Variants in TENT4B observed in about 807,000 individuals in gnomAD.
TENT4B encodes the protein PAP associated domain containing 5.
In TENT4B, 10 loss-of-function variants were observed where a neutral mutation model predicts 75.0. The observed-to-expected ratio is 0.13, with a 90% CI of 0.08 to 0.23. The LOEUF is 0.23. TENT4B is among the 10% of genes least tolerant of loss of function. TENT4B has a pLI of 1.00. For synonymous variants in TENT4B, 350 were observed against 357.7 expected, an observed-to-expected ratio of 0.98 and a Z score of 0.24; for missense variants, 579 against 893.8, an observed-to-expected ratio of 0.65 and a Z score of 4.49.
At chr16:50,212,407 C>T (rs145425364) in intron 2 of TENT4B, among the ~76,000 whole-genome samples, 73 of 152,212 alleles carry the variant, frequency 4.8e-4, no homozygotes, top group African/African-American at 1.7e-3. Flanking sequence ...CTTTGAGGGC[C>T]TGTTCTACAA....
At chr16:50,179,584 T>C (rs2038373695) in intron 1 of TENT4B, among the ~76,000 whole-genome samples, 4 of 152,162 alleles carry the variant, frequency 2.6e-5, no homozygotes, top group African/African-American at 9.7e-5. Flanking sequence ...TGCATTACTG[T>C]AAGGACCACT....
At chr16:50,226,948 AT>A (rs1210407634) in intron 10 of TENT4B, among the ~76,000 whole-genome samples, 5 of 151,844 alleles carry the variant, frequency 3.3e-5, no homozygotes, top group African/African-American at 1.2e-4. Flanking sequence ...TCCTGATAGA[AT>A]TTTTTTTGTT....
chr16:50,161,100 T>A (rs1282235028), intron 1 of TENT4B, among the ~76,000 whole-genome samples: 2 of 152,194 alleles, frequency 1.3e-5, no homozygotes, highest in African/African-American at 2.4e-5. Context: ...GAATATTTGG[T>A]AGGGACTCAG....
intron 1 of TENT4B, among the ~76,000 whole-genome samples, chr16:50,155,272 G>GGTGTGGGT (rs1555506871): frequency 7.4e-6 from 1 of 135,372 alleles, no homozygotes; most frequent in Non-Finnish European, 1.6e-5. Context: ...GGGTCTCGTG[G>GGTGTGGGT]GTGTGTGTGT....
intron 1 of TENT4B, among the ~76,000 whole-genome samples, chr16:50,205,245 C>T (rs1229626721): frequency 6.6e-6 from 1 of 152,088 alleles, no homozygotes; most frequent in African/African-American, 2.4e-5. Flanking sequence ...AACATGCATA[C>T]TCACAACCAT....
intron 1 of TENT4B, among the ~76,000 whole-genome samples, chr16:50,157,718 C>T (rs2037927634): frequency 6.6e-6 from 1 of 151,956 alleles, no homozygotes; most frequent in Non-Finnish European, 1.5e-5. Flanking sequence ...CTTGGCCTCC[C>T]AGTGTGCTGG....
chr16:50,178,702 A>G (rs2150692597), intron 1 of TENT4B, among the ~76,000 whole-genome samples: 1 of 152,358 alleles, frequency 6.6e-6, no homozygotes, highest in South Asian at 2.1e-4. Context: ...AGCCAGACAC[A>G]AAAGGACAAA....
At chr16:50,179,834 G>A (rs1597240545) in intron 1 of TENT4B, among the ~76,000 whole-genome samples, 2 of 152,240 alleles carry the variant, frequency 1.3e-5, no homozygotes, top group East Asian at 3.9e-4. Context: ...TCTAGAATCT[G>A]GTCCTGTCAG....
rs1052986903 is a variant in TENT4B, at chr16:50,233,389, C to T, written c.*4061C>T. ...TCGATATTTAACATAGCTAAGAAGC[C>T]AGATTTTACTGTAGAAGTTATTTAC... On this transcript the variant is annotated 3_prime_UTR_variant, in exon 12 of 12. Transcript: ENST00000561678. 1 of 985,190 alleles carries T rather than the reference C, an allele frequency of 1.0e-6. No homozygotes were observed. Among genetic ancestry groups the T allele is most frequent in the Non-Finnish European group, 1.2e-6 (1 of 829,908 alleles). 61.0% of individuals were successfully genotyped at this position (985,190 alleles called of 1,614,324 possible).
intron 1 of TENT4B, among the ~76,000 whole-genome samples, chr16:50,199,259 A>G (rs2150720065): frequency 6.6e-6 from 1 of 152,356 alleles, no homozygotes; most frequent in African/African-American, 2.4e-5. Context: ...ATGCTACACT[A>G]ACTGGGGGCC....
At chr16:50,186,113 C>A (rs1293945138) in intron 1 of TENT4B, among the ~76,000 whole-genome samples, 1 of 152,118 alleles carries the variant, frequency 6.6e-6, no homozygotes, top group Admixed American at 6.6e-5. Context: ...GCATTAAGTA[C>A]ATTCACAGTG....
At chr16:50,225,334 T>C (rs760180803) in intron 10 of TENT4B, 49 bp downstream of exon 10, 1 of 1,533,904 alleles carries the variant, frequency 6.5e-7, no homozygotes, top group South Asian at 1.2e-5. Context: ...ATGCACGTTC[T>C]CTTGCTGGGG....
At chr16:50,194,452 C>T (rs1036174896) in intron 1 of TENT4B, among the ~76,000 whole-genome samples, 4 of 151,902 alleles carry the variant, frequency 2.6e-5, no homozygotes, top group African/African-American at 7.3e-5. Context: ...TGACCTCAGG[C>T]GATCCACCCG....
At chr16:50,202,578 A>G (rs545804575) in intron 1 of TENT4B, among the ~76,000 whole-genome samples, 5 of 152,188 alleles carry the variant, frequency 3.3e-5, no homozygotes, top group African/African-American at 4.8e-5. Flanking sequence ...TTTAGTTTCA[A>G]GATCCTTGAT....
At chr16:50,217,775 T>TCTCTCTCTCTCTCTCTCTCTCTCTC in intron 5 of TENT4B, 112 bp downstream of exon 5, 1 of 632,960 alleles carries the variant, frequency 1.6e-6, no homozygotes, top group Non-Finnish European at 2.7e-6. Flanking sequence ...TCTCTCTCTC[T>TCTCTCTCTCTCTCTCTCTCTCTCTC]TTTAAATAGA....
At chr16:50,183,204 C>A (rs145192274) in intron 1 of TENT4B, among the ~76,000 whole-genome samples, 2,692 of 151,844 alleles carry the variant, frequency 0.018, 38 homozygotes, top group Non-Finnish European at 0.027. Context: ...CCACCACACC[C>A]GGCTAATTTT....
At chr16:50,193,809 T>C (rs2030019957) in intron 1 of TENT4B, among the ~76,000 whole-genome samples, 1 of 152,156 alleles carries the variant, frequency 6.6e-6, no homozygotes, top group Non-Finnish European at 1.5e-5. Flanking sequence ...GATCACTGTT[T>C]TGGCAGACCT....
At chr16:50,226,912 A>G (rs1484925964) in intron 10 of TENT4B, among the ~76,000 whole-genome samples, 1 of 152,200 alleles carries the variant, frequency 6.6e-6, no homozygotes, top group Non-Finnish European at 1.5e-5. Flanking sequence ...AACCTCTGGT[A>G]ACCTCTAATC....
At position 50,158,290 on chromosome 16, in the gene TENT4B, T is replaced by C. The variant is rs139557669; in HGVS notation, c.638+4031T>C. Among the ~76,000 whole-genome samples, 697 of 152,092 alleles carry C rather than the reference T, an allele frequency of 4.6e-3. 1 individual carries two copies. The highest frequency in any genetic ancestry group is 0.02 in the South Asian group (94 of 4,816). ...TTAGTAGAGATGGGGTCTCACCATGTTGGCCAGACTGGTTTCGAACTTCTG... is the reference window on the plus strand; with the variant it reads ...TTAGTAGAGATGGGGTCTCACCATGCTGGCCAGACTGGTTTCGAACTTCTG... On this transcript the variant is annotated intron_variant, in intron 1 of 11. Transcript: ENST00000561678.
Sources: allele counts gnomAD v4.1 joint callset (sites outside exome capture counted in the v4.1 genomes callset), GRCh38; gene constraint gnomAD v4.1.1; transcripts MANE v1.5; gene names NCBI Gene and HGNC (gene_info 2026-07-23, HGNC 2026-07-21).